ZNF800: variants seen among roughly 807,000 people sequenced by gnomAD.
ZNF800 encodes the protein zinc finger protein 800.
In ZNF800, 13 loss-of-function variants were observed where a neutral mutation model predicts 59.5. That is an observed-to-expected ratio of 0.22 (90% CI 0.14 to 0.35). The LOEUF (loss-of-function observed/expected upper bound fraction) is 0.35, where lower values mean the gene tolerates loss of function less well. ZNF800 is among the 10% of genes least tolerant of loss of function. The pLI is 1.00. For synonymous variants in ZNF800, 266 were observed against 265.7 expected (o/e 1.00, Z -0.01); for missense variants, 621 against 783.7 (o/e 0.79, Z 2.48).
intron 1 of ZNF800, among the ~76,000 whole-genome samples, chr7:127,353,568 T>C (rs1800211604): frequency 1.3e-5 from 2 of 152,218 alleles, no homozygotes; most frequent in Admixed American, 6.5e-5. Flanking sequence ...AGTCTAATAG[T>C]ATTTTCAGAC....
chr7:127,380,077 G>A (rs1454544724), intron 3 of ZNF800, among the ~76,000 whole-genome samples: 1 of 151,716 alleles, frequency 6.6e-6, no homozygotes, highest in Admixed American at 6.6e-5. Context: ...TCAGATCCCA[G>A]TATAGATGTC....
chr7:127,352,131 T>G (rs1224184492), intron 1 of ZNF800, among the ~76,000 whole-genome samples: 1 of 152,164 alleles, frequency 6.6e-6, no homozygotes, highest in Non-Finnish European at 1.5e-5. Flanking sequence ...ATGAAAAGAA[T>G]TAAAGGATGA....
intron 1 of ZNF800, among the ~76,000 whole-genome samples, chr7:127,353,463 T>A (rs1172058102): frequency 6.6e-6 from 1 of 152,212 alleles, no homozygotes; most frequent in African/African-American, 2.4e-5. Context: ...GAATATGATC[T>A]TACTTGTTCA....
chr7:127,345,815 C>T (rs1483827373), downstream of ZNF800, among the ~76,000 whole-genome samples: 2 of 152,110 alleles, frequency 1.3e-5, no homozygotes, highest in Non-Finnish European at 2.9e-5. Context: ...GCAGAGAGAC[C>T]AGGTGGGACT....
intron 1 of ZNF800, chr7:127,362,520 T>C (rs1202833372): frequency 2.6e-5 from 4 of 152,216 alleles, no homozygotes; most frequent in Non-Finnish European, 5.9e-5. Context: ...TTGCCTGCAC[T>C]GCCTGTACTT....
chr7:127,370,595 C>T lies in ZNF800; in HGVS notation c.*1219G>A, dbSNP rs534608461. 1.3e-5 allele frequency: 2 copies of T among 152,592 alleles called. No homozygotes were observed. Among genetic ancestry groups the T allele is most frequent in the Admixed American group, 1.3e-4 (2 of 15,284 alleles). 9.5% of individuals were successfully genotyped at this position (152,592 alleles called of 1,614,324 possible). Reference sequence around the variant, plus strand: ...TTTATACAAAAAGTATATAGATGGACAGGGTCCCTCCTAAGTACAGGTGTG... The same window carrying T: ...TTTATACAAAAAGTATATAGATGGATAGGGTCCCTCCTAAGTACAGGTGTG... On this transcript the variant is annotated 3_prime_UTR_variant, in exon 6 of 6. Transcript: ENST00000265827.
At chr7:127,382,047 C>T (rs1202935953) in intron 3 of ZNF800, among the ~76,000 whole-genome samples, 1 of 152,048 alleles carries the variant, frequency 6.6e-6, no homozygotes, top group Non-Finnish European at 1.5e-5. Context: ...ACAATTTATT[C>T]CTCCCTAAGA....
chr7:127,367,478 T>C (rs921870047), downstream of ZNF800, among the ~76,000 whole-genome samples: 3 of 152,156 alleles, frequency 2.0e-5, no homozygotes, highest in African/African-American at 4.8e-5. Flanking sequence ...AATGAAAGAA[T>C]AGGTTTTACT....
intron 1 of ZNF800, chr7:127,360,299 A>T (rs1194159273): frequency 1.3e-5 from 2 of 152,142 alleles, no homozygotes; most frequent in African/African-American, 4.8e-5. Flanking sequence ...TCACATCCTG[A>T]TTAAATAACC....
At position 127,392,334 on chromosome 7, in the gene ZNF800, C is replaced by G. The variant is rs1447223145; in HGVS notation, c.-333G>C. ...CCGCGCTGTGTGGCTAGGCGGGAGG[C>G]GCGCGGGCGGAGGCAGTTGACAGGA... On this transcript the variant is annotated 5_prime_UTR_variant, in exon 1 of 6. Transcript: ENST00000265827. 2.6e-6 allele frequency: 1 copy of G among 382,924 alleles called. No homozygotes were observed. Among genetic ancestry groups the G allele is most frequent in the African/African-American group, 2.1e-5 (1 of 47,906 alleles). 23.7% of individuals were successfully genotyped at this position (382,924 alleles called of 1,614,324 possible).
chr7:127,375,318 T>C (rs1025130574), intron 4 of ZNF800, among the ~76,000 whole-genome samples: 1 of 152,098 alleles, frequency 6.6e-6, no homozygotes, highest in Non-Finnish European at 1.5e-5. Flanking sequence ...TATAAGCACT[T>C]AGGTGTCCTA....
Position 127,379,836 on chromosome 7 carries a change from A to ACCCCCCCCCCCCCCCC in ZNF800, c.158-2508_158-2507insGGGGGGGGGGGGGGGG. Reference sequence around the variant, plus strand: ...ACAAATGCTTCCCCTTACCCTTGCCACCCCCCCACCCCCCCACCCCCCCCA... The same window carrying ACCCCCCCCCCCCCCCC: ...ACAAATGCTTCCCCTTACCCTTGCCACCCCCCCCCCCCCCCCCCCCCCCACCCCCCCACCCCCCCCA... On this transcript the variant is annotated intron_variant, in intron 3 of 5. Coordinates refer to ENST00000265827, the MANE Select transcript of ZNF800 (RefSeq NM_176814.5). Among the ~76,000 whole-genome samples, 167 of 27,636 alleles carry ACCCCCCCCCCCCCCCC rather than the reference A, an allele frequency of 6.0e-3. 38 individuals are homozygous for ACCCCCCCCCCCCCCCC. The highest frequency in any genetic ancestry group is 8.5e-3 in the East Asian group (4 of 472). 18.1% of individuals were successfully genotyped at this position (27,636 alleles called of 152,430 possible). A position where few individuals can be genotyped will look rare whatever the true frequency, so the allele number is the denominator to read the frequency against.
intron 1 of ZNF800, among the ~76,000 whole-genome samples, chr7:127,349,061 T>C (rs1356947773): frequency 1.3e-5 from 2 of 151,998 alleles, no homozygotes; most frequent in Non-Finnish European, 2.9e-5. Context: ...TAATTTCCAC[T>C]TTAGAAAAAA....
downstream of ZNF800, among the ~76,000 whole-genome samples, chr7:127,367,997 A>G (rs566495888): frequency 7.2e-5 from 11 of 152,208 alleles, 1 homozygote; most frequent in African/African-American, 2.6e-4. Context: ...AGAGGCTTGA[A>G]AATAATAAGC....
At chr7:127,355,081 G>C (rs1276764724) in intron 1 of ZNF800, among the ~76,000 whole-genome samples, 2 of 152,018 alleles carry the variant, frequency 1.3e-5, no homozygotes, top group East Asian at 3.9e-4. Flanking sequence ...GTAGAATTTT[G>C]TGGTAGAGTT....
At chr7:127,349,483 C>CA in intron 1 of ZNF800, among the ~76,000 whole-genome samples, 1 of 152,224 alleles carries the variant, frequency 6.6e-6, no homozygotes, top group Admixed American at 6.5e-5. Context: ...GAAGTGAGCT[C>CA]AGAGTTGTCA....
rs957837976 is a variant in ZNF800 at position 127,392,091 on chromosome 7, G to A, written c.-90C>T. The A allele has an allele frequency of 1.3e-5, 5 of 390,416 alleles. No homozygotes were observed. The highest frequency in any genetic ancestry group is 2.3e-5 in the Non-Finnish European group (5 of 221,822). The allele number at this position is 390,416 out of a possible 1,614,324, so 24.2% of individuals were successfully genotyped here. On this transcript the variant is annotated 5_prime_UTR_variant, in exon 1 of 6. Coordinates refer to ENST00000265827, the MANE Select transcript of ZNF800 (RefSeq NM_176814.5). ...CTTAGGGCGGGCCGGCGGGCGGGCG[G>A]AAGGAAGGAAGGCAGGCCGGGCGGC...
At chr7:127,369,452 G>A (rs1800582234), downstream of ZNF800, among the ~76,000 whole-genome samples, 1 of 152,040 alleles carries the variant, frequency 6.6e-6, no homozygotes, top group Non-Finnish European at 1.5e-5. Flanking sequence ...TTAAGCCTGA[G>A]CCCCTGAAGT....
At chr7:127,391,683 G>T (rs889726540) in intron 1 of ZNF800, 68 bp from the exon 2 acceptor site, 3 of 788,990 alleles carry the variant, frequency 3.8e-6, no homozygotes, top group Non-Finnish European at 6.6e-6. Flanking sequence ...GCATTTTCCA[G>T]ATACGTTCCC....
Sources: allele counts gnomAD v4.1 joint callset (sites outside exome capture counted in the v4.1 genomes callset), GRCh38; gene constraint gnomAD v4.1.1; transcripts MANE v1.5; gene names NCBI Gene and HGNC (gene_info 2026-07-23, HGNC 2026-07-21).